The following USP25 variants were observed in gnomAD, a reference collection of about 807,000 sequenced individuals.
USP25 encodes the protein ubiquitin carboxyl-terminal hydrolase 25.
A neutral mutation model predicts 158.5 loss-of-function variants in USP25; 85 were observed. The ratio of observed to expected loss-of-function variants is 0.54; its 90% CI spans 0.45 to 0.64. USP25 has a LOEUF of 0.64. Ranked by LOEUF, USP25 falls within the 30% of genes least tolerant of loss-of-function variation. USP25 has a pLI of 0.00. For synonymous variants in USP25, 464 were observed against 460.4 expected (o/e 1.01, Z -0.10); for missense variants, 1,242 against 1,327.3 (o/e 0.94, Z 1.00).
intron 5 of USP25, chr21:15,799,427 G>C (rs1359611170): frequency 1.8e-5 from 3 of 167,712 alleles, no homozygotes; most frequent in African/African-American, 7.2e-5. Flanking sequence ...GGTAAACATA[G>C]CAGGTCTAAA....
At chr21:15,750,535 T>C (rs1225019781) in intron 1 of USP25, among the ~76,000 whole-genome samples, 1 of 151,978 alleles carries the variant, frequency 6.6e-6, no homozygotes, top group African/African-American at 2.4e-5. Context: ...CGACCCCTTA[T>C]ATCCTTTTAA....
chr21:15,781,920 G>A (rs900514232), intron 4 of USP25, among the ~76,000 whole-genome samples: 2 of 152,140 alleles, frequency 1.3e-5, no homozygotes, highest in African/African-American at 4.8e-5. Flanking sequence ...AGCAGCTAAG[G>A]GATGACACAA....
At chr21:15,790,122 C>G (rs955757245) in intron 4 of USP25, among the ~76,000 whole-genome samples, 3 of 151,826 alleles carry the variant, frequency 2.0e-5, no homozygotes, top group Admixed American at 6.6e-5. Flanking sequence ...TCTAGATATT[C>G]TTTGGTTTTC....
intron 16 of USP25, among the ~76,000 whole-genome samples, chr21:15,831,973 G>C (rs1158660852): frequency 1.3e-5 from 2 of 152,046 alleles, no homozygotes; most frequent in Admixed American, 6.5e-5. Flanking sequence ...CACCTTCATT[G>C]ATCACCAGTG....
rs1053572578 is a variant in USP25 at position 15,869,151 on chromosome 21, G to A, written c.2806-917G>A. Among the ~76,000 whole-genome samples the A allele has an allele frequency of 7.9e-5, 12 of 151,932 alleles. No individual in the cohort carries two copies. The South Asian group carries it at 8.3e-4, about 11-fold the overall frequency. ...TAATTCAAGCTACTTGGGAGACAGA[G>A]GTAGGAGGATTGCTGGAGCCCAGAA... On this transcript the variant is annotated intron_variant, in intron 22 of 25. Coordinates refer to ENST00000400183, the MANE Select transcript of USP25 (RefSeq NM_001283041.3).
At chr21:15,874,027 A>C (rs770119094) in intron 23 of USP25, among the ~76,000 whole-genome samples, 12 of 152,174 alleles carry the variant, frequency 7.9e-5, no homozygotes, top group African/African-American at 2.2e-4. Flanking sequence ...CTTCATATAA[A>C]TGTGACATTG....
chr21:15,826,623 A>G lies in USP25; in HGVS notation c.1466+258A>G, dbSNP rs2037517356. 6.6e-6 allele frequency among the ~76,000 whole-genome samples: 1 copy of G among 152,264 alleles called. No homozygotes were observed. The highest frequency in any genetic ancestry group is 2.1e-4 in the South Asian group (1 of 4,824). On this transcript the variant is annotated intron_variant, in intron 13 of 25. Coordinates refer to ENST00000400183, the MANE Select transcript of USP25 (RefSeq NM_001283041.3). This position sits in a 1 kb window ranked among gnomAD's most constrained non-coding sequence, Gnocchi z 4.8. ...TACTTTAGCATGTTTTGGTATGTAC[A>G]TATATAAGATTCAGCATTTTATGAT... is the stretch of plus-strand genomic sequence containing the variant.
At chr21:15,822,991 G>A (rs2037309066) in intron 10 of USP25, among the ~76,000 whole-genome samples, 1 of 151,978 alleles carries the variant, frequency 6.6e-6, no homozygotes, top group Admixed American at 6.5e-5. Flanking sequence ...GTAGAGAAAA[G>A]TAGCAACTTT....
intron 1 of USP25, among the ~76,000 whole-genome samples, chr21:15,733,187 G>A (rs2031136332): frequency 1.6e-5 from 2 of 121,272 alleles, no homozygotes; most frequent in South Asian, 5.1e-4. Context: ...GGATTCTTTA[G>A]GGCAGTTATT....
chr21:15,870,426 CT>C (rs1193526244), intron 23 of USP25, among the ~76,000 whole-genome samples: 2 of 152,086 alleles, frequency 1.3e-5, no homozygotes, highest in East Asian at 3.9e-4. Context: ...TGAGTCTGAT[CT>C]TGATATCAAG....
chr21:15,820,548 A>G (rs2037179751), intron 10 of USP25, among the ~76,000 whole-genome samples: 1 of 151,978 alleles, frequency 6.6e-6, no homozygotes, highest in African/African-American at 2.4e-5. Flanking sequence ...GATTCCTGCT[A>G]CCATTTTTCT....
chr21:15,812,300 C>A (rs959725710), intron 9 of USP25, among the ~76,000 whole-genome samples: 1 of 152,064 alleles, frequency 6.6e-6, no homozygotes, highest in African/African-American at 2.4e-5. Context: ...TAATACCCTG[C>A]ATGAGCATTT....
intron 18 of USP25, among the ~76,000 whole-genome samples, chr21:15,844,241 T>G (rs2038473653): frequency 6.6e-6 from 1 of 152,126 alleles, no homozygotes; most frequent in South Asian, 2.1e-4. Flanking sequence ...TTCATAGCGG[T>G]TTTTTTCATT....
chr21:15,760,282 T>G (rs1394781503), intron 1 of USP25, among the ~76,000 whole-genome samples: 1 of 152,198 alleles, frequency 6.6e-6, no homozygotes, highest in Non-Finnish European at 1.5e-5. Context: ...CCTTTTGTCC[T>G]TTGCCCTTCT....
At chr21:15,770,417 A>G (rs944620779) in intron 3 of USP25, among the ~76,000 whole-genome samples, 41 of 152,126 alleles carry the variant, frequency 2.7e-4, no homozygotes, top group Admixed American at 2.7e-3. Context: ...AATTTTCTTT[A>G]GTTTTGGGTT....
intron 4 of USP25, among the ~76,000 whole-genome samples, chr21:15,781,042 A>G (rs1277922943): frequency 1.3e-5 from 2 of 152,206 alleles, no homozygotes; most frequent in East Asian, 1.9e-4. Context: ...CTGGGCTACA[A>G]GGTTGTGGCT....
chr21:15,767,357 C>G (rs532159489), intron 3 of USP25, among the ~76,000 whole-genome samples: 15 of 152,204 alleles, frequency 9.9e-5, no homozygotes, highest in Non-Finnish European at 2.1e-4. Flanking sequence ...TAAAGAGCTG[C>G]TTGCTGGAGA....
chr21:15,798,139 A>G (rs2035951863), intron 5 of USP25, among the ~76,000 whole-genome samples: 1 of 151,280 alleles, frequency 6.6e-6, no homozygotes, highest in Non-Finnish European at 1.5e-5. Context: ...CACTGCAAAC[A>G]TGACTTTGCA....
At chr21:15,772,086 A>T (rs1194151956) in intron 3 of USP25, among the ~76,000 whole-genome samples, 3 of 152,208 alleles carry the variant, frequency 2.0e-5, no homozygotes, top group Non-Finnish European at 4.4e-5. Flanking sequence ...ATTCACTTAC[A>T]TAATTCACGT....
Sources: gnomAD v4.1 joint callset for allele counts (sites outside exome capture counted in the v4.1 genomes callset) on GRCh38, gnomAD v4.1.1 for gene constraint, Gnocchi (gnomAD v3.1) non-coding constraint, MANE v1.5 for transcripts, NCBI Gene and HGNC (gene_info 2026-07-23, HGNC 2026-07-21) for gene names.